ESR1: variants seen among roughly 807,000 people sequenced by gnomAD.
ESR1 encodes the protein estrogen receptor 1.
In ESR1, 12 loss-of-function variants were observed where a neutral mutation model predicts 52.7. That is an observed-to-expected ratio of 0.23 (90% confidence interval 0.15 to 0.37). The LOEUF is 0.37. ESR1 is among the 10% of genes least tolerant of loss of function. The pLI, the probability that ESR1 is intolerant of heterozygous loss-of-function variation, is 1.00. For missense variants in ESR1, 584 were observed against 779.7 expected (o/e 0.75, Z 2.99); for synonymous variants, 305 against 316.8 (o/e 0.96, Z 0.39).
chr6:151,967,353 G>A (rs566492047), intron 4 of ESR1, among the ~76,000 whole-genome samples: 1 of 152,064 alleles, frequency 6.6e-6, no homozygotes, highest in East Asian at 1.9e-4. Context: ...CCCCTTGACA[G>A]GTCCCAGTGT....
chr6:151,694,915 G>T (rs1779218628), intron 1 of ESR1, among the ~76,000 whole-genome samples: 1 of 152,222 alleles, frequency 6.6e-6, no homozygotes, highest in Non-Finnish European at 1.5e-5. Context: ...ATAGATATGA[G>T]GGGCAGATTG....
At chr6:151,698,747 T>C (rs764767066) in intron 1 of ESR1, among the ~76,000 whole-genome samples, 4 of 152,040 alleles carry the variant, frequency 2.6e-5, no homozygotes, top group Admixed American at 6.6e-5. Flanking sequence ...TCAGTTACAG[T>C]AAATCTCAAA....
At chr6:151,689,083 G>C (rs1778798683), upstream of ESR1, among the ~76,000 whole-genome samples, 1 of 152,158 alleles carries the variant, frequency 6.6e-6, no homozygotes, top group African/African-American at 2.4e-5. Flanking sequence ...TTCATTAGCT[G>C]TCCTATTTTG....
chr6:151,850,101 T>TACATATAAAATA (rs1786276252), intron 2 of ESR1, among the ~76,000 whole-genome samples: 2 of 120,510 alleles, frequency 1.7e-5, no homozygotes, highest in Non-Finnish European at 1.8e-5. Context: ...TAATTTTATA[T>TACATATAAAATA]ATATATACAA....
chr6:151,923,363 G>A (rs1233180623), intron 3 of ESR1, among the ~76,000 whole-genome samples: 3 of 152,116 alleles, frequency 2.0e-5, no homozygotes, highest in Non-Finnish European at 4.4e-5. Flanking sequence ...ATTTTGACAA[G>A]TATTTAATGT....
intron 4 of ESR1, among the ~76,000 whole-genome samples, chr6:151,951,801 C>A (rs963941886): frequency 6.6e-6 from 1 of 152,232 alleles, no homozygotes; most frequent in African/African-American, 2.4e-5. Flanking sequence ...AACAAACTAG[C>A]CGTTTTCCTC....
At chr6:151,926,555 A>T (rs1019715428) in intron 3 of ESR1, among the ~76,000 whole-genome samples, 5 of 152,218 alleles carry the variant, frequency 3.3e-5, no homozygotes, top group Middle Eastern at 3.4e-3. Flanking sequence ...AGATTTTTAC[A>T]TATAGGCCTT....
intron 2 of ESR1, among the ~76,000 whole-genome samples, chr6:151,730,174 C>T (rs1461887082): frequency 6.6e-6 from 1 of 152,076 alleles, no homozygotes; most frequent in Non-Finnish European, 1.5e-5. Flanking sequence ...TGTTTGTCTT[C>T]CCAGGGCTAG....
intron 3 of ESR1, among the ~76,000 whole-genome samples, chr6:151,906,723 G>T: frequency 6.9e-6 from 1 of 144,242 alleles, no homozygotes; most frequent in African/African-American, 2.6e-5. Flanking sequence ...GCTTGACTTT[G>T]CTTTATGGTA....
intron 1 of ESR1, among the ~76,000 whole-genome samples, chr6:151,829,474 A>G (rs1177604321): frequency 1.3e-5 from 2 of 152,250 alleles, no homozygotes; most frequent in East Asian, 3.9e-4. Context: ...AATGGCTATC[A>G]CTGACAGCTT....
chr6:151,757,423 T>C (rs948363996), intron 2 of ESR1, among the ~76,000 whole-genome samples: 1 of 152,192 alleles, frequency 6.6e-6, no homozygotes, highest in African/African-American at 2.4e-5. Context: ...CCATCTCTCT[T>C]GTCTCTTGCC....
At chr6:151,985,512 AAAAAAAAAAAAAAAAAAAAAACACAAAC>A (rs1562632879) in intron 4 of ESR1, among the ~76,000 whole-genome samples, 1 of 137,716 alleles carries the variant, frequency 7.3e-6, no homozygotes, top group Non-Finnish European at 1.5e-5. Context: ...TGTCTCAAAA[AAAAAAAAAAAAAAAAAAAAAACACAAAC>A]AAAAAAAAAA....
intron 2 of ESR1, among the ~76,000 whole-genome samples, chr6:151,750,958 A>C (rs1346128289): frequency 6.6e-6 from 1 of 152,256 alleles, no homozygotes; most frequent in African/African-American, 2.4e-5. Context: ...CGTTTATGCA[A>C]AATGCAGCAA....
At chr6:151,706,122 A>G (rs1348350131) in intron 2 of ESR1, among the ~76,000 whole-genome samples, 2 of 152,346 alleles carry the variant, frequency 1.3e-5, no homozygotes, top group Non-Finnish European at 1.5e-5. Flanking sequence ...AGCAGCTGGA[A>G]TCAGCTAAGA....
At chr6:151,981,077 A>G (rs7768330) in intron 4 of ESR1, among the ~76,000 whole-genome samples, 8,507 of 152,236 alleles carry the variant, frequency 0.056, 633 homozygotes, top group African/African-American at 0.17. Context: ...GAAAAAAATG[A>G]CCAGACCAAG....
chr6:151,695,886 A>G (rs1056253242), intron 1 of ESR1, among the ~76,000 whole-genome samples: 2 of 152,236 alleles, frequency 1.3e-5, no homozygotes. Context: ...ACAAATAAAG[A>G]CACAAATTGC....
intron 1 of ESR1, among the ~76,000 whole-genome samples, chr6:151,683,864 A>AT (rs66983259): frequency 0.25 from 29,722 of 118,298 alleles, 4,034 homozygotes; most frequent in African/African-American, 0.35. Context: ...ACGTCTGGCT[A>AT]TTTTTTTTTT....
intron 1 of ESR1, among the ~76,000 whole-genome samples, chr6:151,699,686 A>G (rs998681305): frequency 6.6e-6 from 1 of 152,206 alleles, no homozygotes; most frequent in Non-Finnish European, 1.5e-5. Context: ...TACATAATGA[A>G]TCAATAAGGA....
intron 5 of ESR1, among the ~76,000 whole-genome samples, chr6:152,046,964 C>G (rs1010609815): frequency 1.3e-5 from 2 of 152,138 alleles, no homozygotes; most frequent in African/African-American, 4.8e-5. Context: ...TTTTTCCTAG[C>G]CTTGGAACCA....
Sources: gnomAD v4.1 joint callset for allele counts (sites outside exome capture counted in the v4.1 genomes callset) on GRCh38, gnomAD v4.1.1 for gene constraint, MANE v1.5 for transcripts, NCBI Gene and HGNC (gene_info 2026-07-23, HGNC 2026-07-21) for gene names.